SYTL5: variants seen among roughly 807,000 people sequenced by gnomAD.
SYTL5 encodes the protein synaptotagmin-like protein 5.
Under a neutral mutation model 55.9 loss-of-function variants are expected in SYTL5, and 34 were observed. The ratio of observed to expected loss-of-function variants is 0.61; its 90% CI spans 0.46 to 0.81. The LOEUF (loss-of-function observed/expected upper bound fraction) is 0.81, where lower values mean the gene tolerates loss of function less well. Ranked by LOEUF, SYTL5 falls within the 30% of genes least tolerant of loss-of-function variation. SYTL5 has a pLI of 0.00. For synonymous variants in SYTL5, 221 were observed against 188.7 expected (o/e 1.17, Z -1.40); for missense variants, 637 against 546.7 (o/e 1.17, Z -1.65).
At chrX:38,102,610 G>A (rs1376892376) in intron 10 of SYTL5, among the ~76,000 whole-genome samples, 176 bp downstream of exon 10, 6 of 111,693 alleles carry the variant, frequency 5.4e-5, no homozygotes, top group Admixed American at 9.5e-5. Flanking sequence ...TTTGGTGTGG[G>A]TTTTTTCTCA....
the SYTL5 span, among the ~76,000 whole-genome samples, chrX:37,958,386 A>G: frequency 2.7e-5 from 3 of 109,931 alleles, no homozygotes; most frequent in East Asian, 8.6e-4. Context: ...GTCAGCTCAG[A>G]TCACTCTTCC....
the SYTL5 span, among the ~76,000 whole-genome samples, chrX:37,989,630 T>C: frequency 2.7e-5 from 3 of 111,913 alleles, no homozygotes; most frequent in Non-Finnish European, 3.8e-5. Flanking sequence ...TTGAGACTCC[T>C]TTTTCTTTCC....
At chrX:37,902,822 T>A in the SYTL5 span, among the ~76,000 whole-genome samples, 2 of 111,727 alleles carry the variant, frequency 1.8e-5, no homozygotes, top group Non-Finnish European at 3.8e-5. Flanking sequence ...CCTGGAGTTA[T>A]CAGGAAAGAG....
chrX:37,891,833 A>G, the SYTL5 span, among the ~76,000 whole-genome samples: 1 of 111,503 alleles, frequency 9.0e-6, no homozygotes, highest in African/African-American at 3.3e-5. Flanking sequence ...TTTTTACAAT[A>G]ACCTTACATT....
intron 5 of SYTL5, 112 bp from the exon 6 acceptor site, chrX:38,076,455 G>A (rs962953119): frequency 1.2e-5 from 8 of 670,505 alleles, no homozygotes; most frequent in African/African-American, 6.7e-5. Flanking sequence ...CCCTAAGGCT[G>A]CTTTATTGAA....
At chrX:38,082,962 A>T (rs981895212) in intron 6 of SYTL5, among the ~76,000 whole-genome samples, 1 of 112,276 alleles carries the variant, frequency 8.9e-6, no homozygotes, top group Non-Finnish European at 1.9e-5. Flanking sequence ...CTATCTTCTT[A>T]TATGCAATAT....
At position 38,118,825 on chromosome X, in the gene SYTL5, G is replaced by C. The variant is rs189788626; in HGVS notation, c.1597-1533G>C. Among the ~76,000 whole-genome samples, 633 of 108,216 alleles carry C rather than the reference G, an allele frequency of 5.8e-3. 6 individuals carry two copies. Among genetic ancestry groups the C allele is most frequent in the African/African-American group, 0.021 (608 of 29,522 alleles). The allele number at this position is 108,216 out of a possible 115,157, so 94.0% of individuals were successfully genotyped here. On this transcript the variant is annotated intron_variant, in intron 13 of 16. Transcript: ENST00000297875. ...GCTGGAGTACTGTGGCACAATCATA[G>C]CTCATTATAATCTCAAATTTCTGGG...
At chrX:38,032,639 T>C (rs1934990092) in intron 1 of SYTL5, among the ~76,000 whole-genome samples, 1 of 111,456 alleles carries the variant, frequency 9.0e-6, no homozygotes, top group African/African-American at 3.3e-5. Context: ...ATGTAGGCAT[T>C]TCTAAATTAT....
chrX:37,889,426 TG>T, the SYTL5 span, among the ~76,000 whole-genome samples: 1 of 111,983 alleles, frequency 8.9e-6, no homozygotes, highest in African/African-American at 3.2e-5. Flanking sequence ...CAGCTCTTTT[TG>T]TTTCCTATTG....
chrX:38,124,667 A>G lies in SYTL5; in HGVS notation c.1842-631A>G, dbSNP rs142253372. ...GGAAGAAAGAGAAGTTGATTAAAAC[A>G]TATGTTAATGGGCAGGTTACCACTG... On this transcript the variant is annotated intron_variant, in intron 15 of 16. Transcript: ENST00000297875. Among the ~76,000 whole-genome samples, 863 of 111,882 alleles carry G rather than the reference A, an allele frequency of 7.7e-3. 13 individuals carry two copies. The highest frequency in any genetic ancestry group is 0.027 in the African/African-American group (830 of 30,798).
At chrX:37,933,368 A>G in the SYTL5 span, among the ~76,000 whole-genome samples, 7 of 111,321 alleles carry the variant, frequency 6.3e-5, no homozygotes, top group East Asian at 2.0e-3. Context: ...CTTCAGCCCC[A>G]TGGTAGCCTT....
chrX:38,120,871 C>G (rs1342625117), intron 14 of SYTL5, among the ~76,000 whole-genome samples: 1 of 111,287 alleles, frequency 9.0e-6, no homozygotes, highest in Non-Finnish European at 1.9e-5. Context: ...AGGAAAAAAT[C>G]AGATGGAATC....
intron 2 of SYTL5, among the ~76,000 whole-genome samples, chrX:38,043,661 GTA>G (rs35312093): frequency 0.25 from 12,275 of 49,881 alleles, 1,123 homozygotes; most frequent in East Asian, 0.35. Context: ...ATGTATGTAT[GTA>G]TATATATATA....
rs138262806 is a variant in SYTL5, at chrX:38,102,374, T to C, written c.1095T>C (p.Asp365=). Residue 365 remains aspartate, a synonymous_variant, in exon 10 of 17, where the codon GAT becomes GAC. Coordinates refer to ENST00000297875, the MANE Select transcript of SYTL5 (RefSeq NM_138780.3). ...TGGAAGAGACTGAAGAAAGCATTGATGCCTTAGTGTCCTCGCAGTTATCTA... is the reference window on the plus strand; with the variant it reads ...TGGAAGAGACTGAAGAAAGCATTGACGCCTTAGTGTCCTCGCAGTTATCTA... The part of the protein sequence containing the change: ...DSLEETEESI[D]ALVSSQLSTN... 2.1e-5 allele frequency: 25 copies of C among 1,207,456 alleles called. No individual in the cohort carries two copies. In the African/African-American group the frequency reaches 4.0e-4, roughly 19 times the overall value.
chrX:37,978,735 T>C, the SYTL5 span, among the ~76,000 whole-genome samples: 19,466 of 110,700 alleles, frequency 0.18, 1,747 homozygotes, highest in Non-Finnish European at 0.26. Flanking sequence ...GAGAGTACCA[T>C]TGGAGCCCAA....
chrX:38,011,386 C>T (rs1047971974), intron 1 of SYTL5, among the ~76,000 whole-genome samples: 3 of 108,915 alleles, frequency 2.8e-5, no homozygotes, highest in African/African-American at 1.0e-4. Context: ...AATCCCAGCA[C>T]TTTGGGAGGC....
intron 6 of SYTL5, among the ~76,000 whole-genome samples, chrX:38,080,188 A>C (rs1004130831): frequency 9.0e-6 from 1 of 111,153 alleles, no homozygotes; most frequent in African/African-American, 3.3e-5. Context: ...GAGCATGCAC[A>C]GCTGGTAAAA....
chrX:38,069,809 C>T (rs977969755), intron 3 of SYTL5, among the ~76,000 whole-genome samples: 2 of 111,812 alleles, frequency 1.8e-5, no homozygotes, highest in African/African-American at 6.5e-5. Flanking sequence ...AGACATCTTT[C>T]GAATTTAGAA....
At chrX:38,101,620 T>A in intron 9 of SYTL5, among the ~76,000 whole-genome samples, 1 of 110,187 alleles carries the variant, frequency 9.1e-6, no homozygotes, top group East Asian at 2.8e-4. Flanking sequence ...GCAGTATGCA[T>A]GATACAATCT....
Sources: allele counts gnomAD v4.1 joint callset (sites outside exome capture counted in the v4.1 genomes callset), GRCh38; gene constraint gnomAD v4.1.1; transcripts MANE v1.5; gene names NCBI Gene and HGNC (gene_info 2026-07-23, HGNC 2026-07-21).